The following RNF6 variants were observed in gnomAD, a reference collection of about 807,000 sequenced individuals.
RNF6 encodes the protein ring finger protein 6, also known as E3 ubiquitin-protein ligase RNF6.
RNF6 carries 21 observed loss-of-function variants against 50.1 expected under a neutral mutation model. That is an observed-to-expected ratio of 0.42 (90% CI 0.30 to 0.60). The LOEUF is 0.60. RNF6 is among the 20% of genes least tolerant of loss of function. The pLI, the probability that RNF6 is intolerant of heterozygous loss-of-function variation, is 0.20. For synonymous variants in RNF6, 255 were observed against 291.8 expected (o/e 0.87, Z 1.29); for missense variants, 698 against 838.2 (o/e 0.83, Z 2.07).
intron 5 of RNF6, among the ~76,000 whole-genome samples, chr13:26,167,048 T>C (rs866827627): frequency 2.0e-5 from 3 of 152,368 alleles, no homozygotes; most frequent in South Asian, 2.1e-4. Flanking sequence ...TGTGAGAACA[T>C]GCTAACGCAA....
At chr13:26,199,645 T>C (rs1868818451) in intron 5 of RNF6, among the ~76,000 whole-genome samples, 1 of 152,158 alleles carries the variant, frequency 6.6e-6, no homozygotes, top group South Asian at 2.1e-4. Context: ...TGTATATGTA[T>C]GTAGATATAA....
chr13:26,222,658 C>T (rs1309336863), upstream of RNF6: 1 of 152,282 alleles, frequency 6.6e-6, no homozygotes, highest in Non-Finnish European at 1.5e-5. Flanking sequence ...GTCTGTCTGT[C>T]TGTCTATCTC....
At chr13:26,203,486 G>A (rs1449007132) in intron 5 of RNF6, among the ~76,000 whole-genome samples, 1 of 152,244 alleles carries the variant, frequency 6.6e-6, no homozygotes, top group African/African-American at 2.4e-5. Flanking sequence ...AGAACCTGCT[G>A]TGAGAAGCAC....
intron 5 of RNF6, among the ~76,000 whole-genome samples, chr13:26,184,118 CT>C (rs1336335585): frequency 6.1e-5 from 9 of 146,508 alleles, no homozygotes; most frequent in Non-Finnish European, 8.9e-5. Flanking sequence ...GCTCCGTCTC[CT>C]TAGGTTCACG....
intron 5 of RNF6, among the ~76,000 whole-genome samples, chr13:26,152,020 A>G (rs1303432931): frequency 1.3e-5 from 2 of 152,104 alleles, no homozygotes; most frequent in Non-Finnish European, 2.9e-5. Context: ...ATGAAGTCCA[A>G]CCTTCTGCGG....
intron 5 of RNF6, among the ~76,000 whole-genome samples, chr13:26,199,272 A>C (rs1441566766): frequency 6.6e-6 from 1 of 152,226 alleles, no homozygotes; most frequent in Non-Finnish European, 1.5e-5. Flanking sequence ...AATTCAGTGA[A>C]GAGGATAGTC....
rs1869162095 is a variant in RNF6, at chr13:26,207,631, C to T, written n.768+7843G>A. 3.3e-5 allele frequency among the ~76,000 whole-genome samples: 5 copies of T among 152,222 alleles called. 1 individual carries two copies. Among genetic ancestry groups the T allele is most frequent in the Admixed American group, 3.3e-4 (5 of 15,286 alleles). On this transcript the variant is annotated intron_variant and non_coding_transcript_variant, in intron 5 of 5. Coordinates refer to the RNF6 transcript ENST00000468480. ...TCAAACACACACCACCTCAAAGCAG[C>T]CGGCCATCTCAGATATGGGAAACTG...
At chr13:26,217,545 C>T (rs1204844995) in intron 4 of RNF6, among the ~76,000 whole-genome samples, 1 of 152,216 alleles carries the variant, frequency 6.6e-6, no homozygotes, top group Non-Finnish European at 1.5e-5. Context: ...GACCTCCTTC[C>T]TACCAGCTAG....
chr13:26,172,902 C>T (rs1872770132), intron 5 of RNF6, among the ~76,000 whole-genome samples: 1 of 151,784 alleles, frequency 6.6e-6, no homozygotes, highest in South Asian at 2.1e-4. Context: ...AGGTTTTCTA[C>T]CCAGACTATG....
chr13:26,168,447 T>C (rs1356599026), intron 5 of RNF6, among the ~76,000 whole-genome samples: 2 of 152,190 alleles, frequency 1.3e-5, no homozygotes, highest in African/African-American at 4.8e-5. Flanking sequence ...CAAGAATTGG[T>C]CCATATGAAG....
chr13:26,221,185 T>C (rs1459385004), intron 2 of RNF6, 63 bp downstream of exon 2: 1 of 152,232 alleles, frequency 6.6e-6, no homozygotes, highest in Admixed American at 6.5e-5. Flanking sequence ...TATTTAAAAC[T>C]TGAGCTTCTC....
Position 26,215,486 on chromosome 13 carries a change from T to C in RNF6, c.396A>G (p.Gln132=), listed in dbSNP as rs1869777208. ...TTGTTCGACTCACAGCTCTCCAAGTTTGGTTCCCATTTTGTCCACTTCGAG... is the reference window on the plus strand; with the variant it reads ...TTGTTCGACTCACAGCTCTCCAAGTCTGGTTCCCATTTTGTCCACTTCGAG... ...NATRSGQNGN[Q]TWRAVSRTNP... Residue 132 remains glutamine (Q), a synonymous_variant, in exon 5 of 5, where the codon CAA becomes CAG. Coordinates refer to ENST00000381588, the MANE Select transcript of RNF6 (RefSeq NM_005977.4). The C allele has an allele frequency of 1.2e-6, 2 of 1,614,044 alleles. No individual in the cohort carries two copies. Among genetic ancestry groups the C allele is most frequent in the African/African-American group, 1.3e-5 (1 of 74,948 alleles).
chr13:26,149,891 TATACAC>T lies in RNF6; in HGVS notation n.769-17446_769-17441del, dbSNP rs1343215130. 4.4e-3 allele frequency among the ~76,000 whole-genome samples: 351 copies of T among 79,832 alleles called. 31 individuals carry two copies. Among genetic ancestry groups the T allele is most frequent in the African/African-American group, 0.015 (320 of 21,206 alleles). 52.4% of individuals were successfully genotyped at this position (79,832 alleles called of 152,430 possible). On this transcript the variant is annotated intron_variant and non_coding_transcript_variant, in intron 5 of 5. Coordinates refer to the RNF6 transcript ENST00000468480. ...GTGTGTATATATATATATATATATA[TATACAC>T]ACACACAGTGTATATATAATGTGTA...
intron 5 of RNF6, among the ~76,000 whole-genome samples, chr13:26,177,899 C>T (rs1465816151): frequency 6.6e-6 from 1 of 152,212 alleles, no homozygotes; most frequent in Admixed American, 6.5e-5. Flanking sequence ...AAAAACACTA[C>T]TGTCAACTGG....
intron 5 of RNF6, among the ~76,000 whole-genome samples, chr13:26,149,886 A>ACACACACAGTGTATATATAATGTG (rs1871466783): frequency 1.9e-5 from 2 of 105,908 alleles, no homozygotes; most frequent in African/African-American, 7.6e-5. Flanking sequence ...ATATATATAT[A>ACACACACAGTGTATATATAATGTG]TATATATACA....
chr13:26,194,654 G>A (rs1191745095), intron 5 of RNF6, among the ~76,000 whole-genome samples: 1 of 148,190 alleles, frequency 6.7e-6, no homozygotes. Flanking sequence ...ATATATATAT[G>A]AGTTTATTAA....
In RNF6 at chr13:26,148,646, A is replaced by C. The variant is rs1360696390; in HGVS notation, n.769-16195T>G. ...TATAAATCTCTTTATATATATATAT[A>C]TATATATATATATATATATATATAT... On this transcript the variant is annotated intron_variant and non_coding_transcript_variant, in intron 5 of 5. Transcript: ENST00000468480. 5.3e-4 allele frequency among the ~76,000 whole-genome samples: 57 copies of C among 106,654 alleles called. 1 individual carries two copies. Among genetic ancestry groups the C allele is most frequent in the African/African-American group, 1.7e-3 (57 of 32,734 alleles). The allele number at this position is 106,654 out of a possible 152,430, so 70.0% of individuals were successfully genotyped here. A position where few individuals can be genotyped will look rare whatever the true frequency, so the allele number is the denominator to read the frequency against.
chr13:26,179,923 C>T (rs1294962354), intron 5 of RNF6, among the ~76,000 whole-genome samples: 2 of 152,226 alleles, frequency 1.3e-5, no homozygotes, highest in Non-Finnish European at 2.9e-5. Flanking sequence ...TCCCAGCAGT[C>T]AAGGCAAGAA....
intron 3 of RNF6, 50 bp from the exon 4 acceptor site, chr13:26,218,656 G>A: frequency 7.1e-7 from 1 of 1,407,466 alleles, no homozygotes; most frequent in Non-Finnish European, 1.0e-6. Context: ...TAAGTTTTAT[G>A]AGACCTCATG....
Sources: gnomAD v4.1 joint callset for allele counts (sites outside exome capture counted in the v4.1 genomes callset) on GRCh38, gnomAD v4.1.1 for gene constraint, MANE v1.5 for transcripts, NCBI Gene and HGNC (gene_info 2026-07-23, HGNC 2026-07-21) for gene names.